RELN: variants seen among roughly 807,000 people sequenced by gnomAD.
RELN encodes the protein reelin.
RELN carries 108 observed loss-of-function variants against 427.6 expected under a neutral mutation model. The observed-to-expected ratio is 0.25, with a 90% confidence interval of 0.22 to 0.30. The LOEUF (loss-of-function observed/expected upper bound fraction) is 0.30. RELN is among the 10% of genes least tolerant of loss of function. The pLI, the probability that RELN is intolerant of heterozygous loss-of-function variation, is 1.00. For missense variants in RELN, 3,715 were observed against 4,302.8 expected (o/e 0.86, Z 3.82); for synonymous variants, 1,524 against 1,513.4 (o/e 1.01, Z -0.16).
chr7:103,582,436 G>T (rs1278177004), intron 28 of RELN, among the ~76,000 whole-genome samples: 1 of 152,170 alleles, frequency 6.6e-6, no homozygotes, highest in African/African-American at 2.4e-5. Flanking sequence ...ATATCATTTT[G>T]ATAAACTACA....
At chr7:103,739,541 T>C (rs529653168) in intron 6 of RELN, among the ~76,000 whole-genome samples, 6 of 152,334 alleles carry the variant, frequency 3.9e-5, no homozygotes, top group Non-Finnish European at 5.9e-5. Context: ...CAATGGCACA[T>C]TGGAATTGAT....
chr7:103,486,536 G>T, intron 60 of RELN, 120 bp from the exon 61 acceptor site: 71 of 646,068 alleles, frequency 1.1e-4, no homozygotes, highest in Middle Eastern at 4.1e-4. Flanking sequence ...AAAATACAAG[G>T]AACTTAAACA....
At chr7:103,589,480 T>C in intron 28 of RELN, 116 bp downstream of exon 28, 1 of 752,974 alleles carries the variant, frequency 1.3e-6, no homozygotes, top group Non-Finnish European at 2.3e-6. Context: ...AAAATTATTT[T>C]TCCCAGAATT....
chr7:103,504,293 A>G (rs1033845248), intron 51 of RELN: 1 of 152,352 alleles, frequency 6.6e-6, no homozygotes, highest in Middle Eastern at 3.4e-3. Context: ...AGAAATAACC[A>G]TTATAGCTTT....
At chr7:103,653,148 C>A (rs1832957844) in intron 13 of RELN, among the ~76,000 whole-genome samples, 1 of 152,042 alleles carries the variant, frequency 6.6e-6, no homozygotes, top group Non-Finnish European at 1.5e-5. Flanking sequence ...TGGTATCAAG[C>A]TAAGGGCTTT....
intron 3 of RELN, among the ~76,000 whole-genome samples, chr7:103,816,858 C>CT (rs971389625): frequency 9.2e-5 from 14 of 151,830 alleles, no homozygotes; most frequent in Non-Finnish European, 1.6e-4. Context: ...GCTTATATTT[C>CT]TTTTTTTTCT....
At chr7:103,621,759 T>C (rs914681499) in intron 20 of RELN, among the ~76,000 whole-genome samples, 3 of 152,168 alleles carry the variant, frequency 2.0e-5, no homozygotes, top group African/African-American at 7.2e-5. Flanking sequence ...CTCATGCTTG[T>C]GATCTGAGCA....
At chr7:103,671,435 C>A (rs980041820) in intron 11 of RELN, among the ~76,000 whole-genome samples, 2 of 151,888 alleles carry the variant, frequency 1.3e-5, no homozygotes, top group Non-Finnish European at 2.9e-5. Flanking sequence ...TAGAAAGCAC[C>A]CAGCTTTCTC....
At chr7:103,981,736 T>A (rs1356283792) in intron 1 of RELN, among the ~76,000 whole-genome samples, 2 of 152,264 alleles carry the variant, frequency 1.3e-5, no homozygotes, top group African/African-American at 4.8e-5. Flanking sequence ...TCCACCATCA[T>A]TGGCATGTGG....
chr7:103,597,755 G>C (rs1175979215), intron 24 of RELN, among the ~76,000 whole-genome samples: 1 of 152,136 alleles, frequency 6.6e-6, no homozygotes, highest in Non-Finnish European at 1.5e-5. Flanking sequence ...CAAATTTCCT[G>C]AAATCCAAGA....
At chr7:103,533,650 G>T (rs1280482232) in intron 46 of RELN, among the ~76,000 whole-genome samples, 1 of 152,182 alleles carries the variant, frequency 6.6e-6, no homozygotes, top group Non-Finnish European at 1.5e-5. Flanking sequence ...AGAACAGGGG[G>T]AAATGGATGC....
intron 10 of RELN, among the ~76,000 whole-genome samples, chr7:103,691,843 G>GA (rs879520759): frequency 8.6e-5 from 13 of 152,014 alleles, no homozygotes; most frequent in South Asian, 2.1e-4. Context: ...AAAATAAAAA[G>GA]AAAAAATCAT....
chr7:103,721,124 C>T (rs1021351376), intron 8 of RELN, among the ~76,000 whole-genome samples: 3 of 152,138 alleles, frequency 2.0e-5, no homozygotes, highest in African/African-American at 7.2e-5. Context: ...ACTTCTGGTT[C>T]TAAAACTGCC....
intron 46 of RELN, among the ~76,000 whole-genome samples, chr7:103,529,161 T>A (rs1468831127): frequency 1.3e-5 from 2 of 151,926 alleles, no homozygotes; most frequent in Admixed American, 1.3e-4. Context: ...CTCTCTAAAT[T>A]TGTTTACCTG....
rs568052951 is a variant in RELN, at chr7:103,825,939, A to G, written c.473+7598T>C. On this transcript the variant is annotated intron_variant, in intron 3 of 64. Coordinates refer to ENST00000428762, the MANE Select transcript of RELN (RefSeq NM_005045.4). The stretch of plus-strand genomic sequence containing the variant: ...TGTACCTCAAAGTTCGTGTGTTGGA[A>G]ACATGATTCCCAATGCAACAGTGTT... 1.1e-3 allele frequency among the ~76,000 whole-genome samples: 160 copies of G among 152,020 alleles called. 3 individuals are homozygous for G. The highest frequency in any genetic ancestry group is 6.8e-3 in the Middle Eastern group (2 of 294).
In RELN at chr7:103,700,920, C is replaced by G. The variant is rs563525929; in HGVS notation, c.892G>C (p.Glu298Gln). 1 of 1,598,984 alleles carries G rather than the reference C, an allele frequency of 6.3e-7. No homozygotes were observed. Among genetic ancestry groups the G allele is most frequent in the South Asian group, 1.1e-5 (1 of 90,766 alleles). ...TAAATTACAACAAACCTAATTTTCTCTAGCTGAATCCAGTCCGCAGAGTTA... is the reference window on the plus strand; with the variant it reads ...TAAATTACAACAAACCTAATTTTCTGTAGCTGAATCCAGTCCGCAGAGTTA... The part of the protein sequence containing the change: ...KNNSADWIQL[E>Q]KIRAPSNVST... The change falls in exon 9 of 65, where the codon GAG (glutamate) becomes CAG (glutamine). Residue 298 changes from glutamate to glutamine, a missense_variant. Coordinates refer to ENST00000428762, the MANE Select transcript of RELN (RefSeq NM_005045.4).
intron 3 of RELN, among the ~76,000 whole-genome samples, chr7:103,782,362 A>G (rs569150281): frequency 6.6e-6 from 1 of 152,274 alleles, no homozygotes; most frequent in African/African-American, 2.4e-5. Flanking sequence ...GTGACAGAAC[A>G]CAGTTAGGTG....
At chr7:103,546,086 T>C (rs1043522279) in intron 41 of RELN, among the ~76,000 whole-genome samples, 10 of 152,230 alleles carry the variant, frequency 6.6e-5, no homozygotes, top group African/African-American at 2.4e-4. Flanking sequence ...CCATCACCTC[T>C]TTCTAGTTTC....
At chr7:103,488,905 T>C (rs1419451862) in intron 60 of RELN, among the ~76,000 whole-genome samples, 1 of 152,194 alleles carries the variant, frequency 6.6e-6, no homozygotes, top group Non-Finnish European at 1.5e-5. Flanking sequence ...ATGTAAATAG[T>C]AAAGCATAAG....
Sources: gnomAD v4.1 joint callset for allele counts (sites outside exome capture counted in the v4.1 genomes callset) on GRCh38, gnomAD v4.1.1 for gene constraint, MANE v1.5 for transcripts, NCBI Gene and HGNC (gene_info 2026-07-23, HGNC 2026-07-21) for gene names.